The following NTSR1 variants were observed in gnomAD, a reference collection of about 807,000 sequenced individuals.
The protein encoded by NTSR1 is neurotensin receptor 1, also known as neurotensin receptor type 1.
NTSR1 carries 29 observed loss-of-function variants against 31.2 expected under a neutral mutation model. That is an observed-to-expected ratio of 0.93 (90% CI 0.69 to 1.27). The LOEUF is 1.27. Ranked by LOEUF, NTSR1 falls within the 50% of genes most tolerant of loss-of-function variation. NTSR1 has a pLI of 0.00. For synonymous variants in NTSR1, 282 were observed against 269.9 expected, an observed-to-expected ratio of 1.04 and a Z score of -0.44; for missense variants, 697 against 595.4, an observed-to-expected ratio of 1.17 and a Z score of -1.78.
chr20:62,721,683 G>T (rs1468737587), intron 1 of NTSR1, among the ~76,000 whole-genome samples: 1 of 152,186 alleles, frequency 6.6e-6, no homozygotes, highest in Admixed American at 6.5e-5. Flanking sequence ...GTAACTCCAG[G>T]ACTTGTGTTG....
Position 62,750,154 on chromosome 20 carries a change from G to A in NTSR1, c.715-4531G>A, listed in dbSNP as rs143364962. The stretch of plus-strand genomic sequence containing the variant: ...GCAGATCTGGTCATTTGCGGTAGCC[G>A]CAACAAACCTGGGGGCATTATGCTA... On this transcript the variant is annotated intron_variant, in intron 1 of 3. Coordinates refer to ENST00000370501, the MANE Select transcript of NTSR1 (RefSeq NM_002531.3). Among the ~76,000 whole-genome samples, 15 of 152,300 alleles carry A rather than the reference G, an allele frequency of 9.8e-5. No homozygotes were observed. The South Asian group carries it at 2.3e-3, about 23-fold the overall frequency.
intron 2 of NTSR1, among the ~76,000 whole-genome samples, chr20:62,757,909 T>TCTCCCCCACTGAGCCCACGC (rs1989539021): frequency 6.6e-6 from 1 of 151,766 alleles, no homozygotes; most frequent in Non-Finnish European, 1.5e-5. Flanking sequence ...TGAGCCCATG[T>TCTCCCCCACTGAGCCCACGC]CTCCCCCACT....
intron 1 of NTSR1, among the ~76,000 whole-genome samples, chr20:62,736,579 G>A (rs1989097386): frequency 6.6e-6 from 1 of 152,184 alleles, no homozygotes; most frequent in South Asian, 2.1e-4. Context: ...CTCCAGCAGA[G>A]CCCCTTTCCC....
At chr20:62,727,172 C>A (rs779720110) in intron 1 of NTSR1, among the ~76,000 whole-genome samples, 1 of 152,218 alleles carries the variant, frequency 6.6e-6, no homozygotes, top group Non-Finnish European at 1.5e-5. Flanking sequence ...ACCAGCCCCA[C>A]ACAGGAGCCC....
chr20:62,760,405 C>G lies in NTSR1; in HGVS notation c.*138C>G, dbSNP rs915336987. The stretch of plus-strand genomic sequence containing the variant: ...GCACTGGAGTCTGAGGCCTGGGACC[C>G]CCCCCTCCCACCCCCTAACCCATGT... On this transcript the variant is annotated 3_prime_UTR_variant, in exon 4 of 4. Transcript: ENST00000370501. 122 of 902,874 alleles carry G rather than the reference C, an allele frequency of 1.4e-4. No individual in the cohort carries two copies. Among genetic ancestry groups the G allele is most frequent in the Non-Finnish European group, 1.8e-4 (115 of 624,942 alleles). The allele number at this position is 902,874 out of a possible 1,614,324, so 55.9% of individuals were successfully genotyped here.
At chr20:62,759,659 C>T (rs1989576779) in intron 3 of NTSR1, among the ~76,000 whole-genome samples, 1 of 151,954 alleles carries the variant, frequency 6.6e-6, no homozygotes, top group South Asian at 2.1e-4. Context: ...CCTGTAGTCC[C>T]AGCTACTCGG....
In NTSR1 at chr20:62,716,924, G is replaced by C. The variant is rs534866022; in HGVS notation, c.714+7003G>C. Among the ~76,000 whole-genome samples, 345 of 152,348 alleles carry C rather than the reference G, an allele frequency of 2.3e-3. 1 individual carries two copies. Among genetic ancestry groups the C allele is most frequent in the African/African-American group, 7.8e-3 (326 of 41,580 alleles). On this transcript the variant is annotated intron_variant, in intron 1 of 3. Transcript: ENST00000370501. ...TCTGCCTGTCTCAGAGACCCCCACTGTTCCCCCGCCATGCCCTGGAGTTTG... is the reference window on the plus strand; with the variant it reads ...TCTGCCTGTCTCAGAGACCCCCACTCTTCCCCCGCCATGCCCTGGAGTTTG...
In NTSR1 at chr20:62,733,850, G is replaced by T. The variant is rs889921287; in HGVS notation, c.715-20835G>T. Reference sequence around the variant, plus strand: ...TGGGGTCTCAGCTGAGAGAGGGAAGGCTCTGTGCTGGGGAAGAGGCCTCCA... The same window carrying T: ...TGGGGTCTCAGCTGAGAGAGGGAAGTCTCTGTGCTGGGGAAGAGGCCTCCA... On this transcript the variant is annotated intron_variant, in intron 1 of 3. Transcript: ENST00000370501. This position sits in a 1 kb window ranked among gnomAD's most constrained non-coding sequence, Gnocchi z 5.2. Among the ~76,000 whole-genome samples the T allele has an allele frequency of 6.6e-6, 1 of 152,112 alleles. No homozygotes were observed. Among genetic ancestry groups the T allele is most frequent in the Non-Finnish European group, 1.5e-5 (1 of 68,018 alleles).
At chr20:62,740,530 C>CCGTGCAGG in intron 1 of NTSR1, among the ~76,000 whole-genome samples, 1 of 152,348 alleles carries the variant, frequency 6.6e-6, no homozygotes, top group South Asian at 2.1e-4. Context: ...ATCTTACAAG[C>CCGTGCAGG]CGTGCAGGCG....
At chr20:62,725,784 G>A (rs1440129033) in intron 1 of NTSR1, among the ~76,000 whole-genome samples, 1 of 152,114 alleles carries the variant, frequency 6.6e-6, no homozygotes, top group Non-Finnish European at 1.5e-5. Flanking sequence ...GGAGGAGGAC[G>A]GAGGGAGAGG....
chr20:62,733,856 T>G lies in NTSR1; in HGVS notation c.715-20829T>G, dbSNP rs1431611630. Among the ~76,000 whole-genome samples, 1 of 152,170 alleles carries G rather than the reference T, an allele frequency of 6.6e-6. No individual in the cohort carries two copies. Among genetic ancestry groups the G allele is most frequent in the East Asian group, 1.9e-4 (1 of 5,190 alleles). ...CTCAGCTGAGAGAGGGAAGGCTCTGTGCTGGGGAAGAGGCCTCCAGCAGGG... is the reference window on the plus strand; with the variant it reads ...CTCAGCTGAGAGAGGGAAGGCTCTGGGCTGGGGAAGAGGCCTCCAGCAGGG... On this transcript the variant is annotated intron_variant, in intron 1 of 3. Transcript: ENST00000370501. The surrounding 1 kb of genome is among the most constrained non-coding windows in gnomAD (Gnocchi z 5.2).
chr20:62,722,202 C>T (rs1416444372), intron 1 of NTSR1, among the ~76,000 whole-genome samples: 1 of 152,172 alleles, frequency 6.6e-6, no homozygotes, highest in Non-Finnish European at 1.5e-5. Flanking sequence ...TGGTTTCATG[C>T]TTAGTTGAGT....
At chr20:62,720,224 C>G (rs997856176) in intron 1 of NTSR1, among the ~76,000 whole-genome samples, 1 of 152,098 alleles carries the variant, frequency 6.6e-6, no homozygotes, top group East Asian at 1.9e-4. Context: ...CGCTTTAACT[C>G]GGGAGGTGGA....
intron 1 of NTSR1, among the ~76,000 whole-genome samples, chr20:62,734,709 C>G (rs1989057978): frequency 6.6e-6 from 1 of 150,822 alleles, no homozygotes; most frequent in Non-Finnish European, 1.5e-5. Context: ...GAGCTTCAGC[C>G]TGAAATCCGC....
In NTSR1 at chr20:62,709,440, C is replaced by G. The variant is rs772367154; in HGVS notation, c.233C>G (p.Thr78Arg). ...TACCTGGCGCTCTTCGTGGTGGGCA[C>G]GGTGGGCAACACGGTGACGGCGTTC... ...AVYLALFVVG[T>R]VGNTVTAFTL... The change falls in exon 1 of 4, where the codon ACG becomes AGG. Residue 78 changes from threonine to arginine, a missense_variant. Thr to Arg is a moderately conservative substitution (Grantham distance 71). Transcript: ENST00000370501. The G allele has an allele frequency of 2.4e-5, 38 of 1,612,294 alleles. No homozygotes were observed. In the South Asian group the frequency reaches 4.2e-4, roughly 18 times the overall value.
Position 62,729,026 on chromosome 20 carries a change from G to A in NTSR1, c.714+19105G>A, listed in dbSNP as rs537464535. 2.0e-5 allele frequency among the ~76,000 whole-genome samples: 3 copies of A among 152,360 alleles called. No individual in the cohort carries two copies. In the South Asian group the frequency reaches 6.2e-4, roughly 32 times the overall value. On this transcript the variant is annotated intron_variant, in intron 1 of 3. Coordinates refer to ENST00000370501, the MANE Select transcript of NTSR1 (RefSeq NM_002531.3). Reference sequence around the variant, plus strand: ...AAGCTGCTGGCAAGAGCCAAGAGATGGATGTCCAGTCCTCGGTCTGTGCAC... The same window carrying A: ...AAGCTGCTGGCAAGAGCCAAGAGATAGATGTCCAGTCCTCGGTCTGTGCAC...
At chr20:62,754,225 G>A (rs558423155) in intron 1 of NTSR1, among the ~76,000 whole-genome samples, 3 of 152,334 alleles carry the variant, frequency 2.0e-5, no homozygotes, top group East Asian at 1.9e-4. Context: ...TAGGAGAACT[G>A]TCTGCACACA....
intron 3 of NTSR1, among the ~76,000 whole-genome samples, chr20:62,759,357 C>G (rs1989569557): frequency 6.6e-6 from 1 of 152,152 alleles, no homozygotes; most frequent in South Asian, 2.1e-4. Flanking sequence ...ACTGCCCTGG[C>G]TGTTTGGTTA....
chr20:62,727,087 G>A (rs756655671), intron 1 of NTSR1, among the ~76,000 whole-genome samples: 1 of 152,184 alleles, frequency 6.6e-6, no homozygotes, highest in Non-Finnish European at 1.5e-5. Flanking sequence ...AAGGCTCAAG[G>A]CCCTCCTGGA....
Sources: gnomAD v4.1 joint callset for allele counts (sites outside exome capture counted in the v4.1 genomes callset) on GRCh38, gnomAD v4.1.1 for gene constraint, Gnocchi (gnomAD v3.1) non-coding constraint, MANE v1.5 for transcripts, NCBI Gene and HGNC (gene_info 2026-07-23, HGNC 2026-07-21) for gene names.